The following SLC7A7 variants were observed in gnomAD, a reference collection of about 807,000 sequenced individuals.
SLC7A7 encodes solute carrier family 7 member 7.
A neutral mutation model predicts 47.9 loss-of-function variants in SLC7A7; 39 were observed. That is an observed-to-expected ratio of 0.81 (90% confidence interval 0.63 to 1.06). The LOEUF is 1.06. Among genes scored for constraint, SLC7A7 ranks in the 50% least tolerant of loss-of-function variants. The probability of loss-of-function intolerance (pLI) is 0.00; values close to 1 mark genes in which losing one functional copy is unlikely to be tolerated. For synonymous variants in SLC7A7, 234 were observed against 242.8 expected, an observed-to-expected ratio of 0.96 and a Z score of 0.34; for missense variants, 588 against 632.0, an observed-to-expected ratio of 0.93 and a Z score of 0.75.
chr14:22,780,077 T>A (rs758812021), intron 2 of SLC7A7, 26 bp from the exon 3 acceptor site: 3 of 1,613,320 alleles, frequency 1.9e-6, no homozygotes, highest in African/African-American at 1.3e-5. Flanking sequence ...TACTGATTGG[T>A]GACTTACCCT....
intron 6 of SLC7A7, 69 bp downstream of exon 6, chr14:22,775,764 G>A (rs1234312631): frequency 1.7e-6 from 2 of 1,153,820 alleles, no homozygotes; most frequent in Non-Finnish European, 2.6e-6. Flanking sequence ...TCAAAGGCTG[G>A]GTCCTGTAAG....
chr14:22,807,400 A>G (rs985609270), intron 2 of SLC7A7, among the ~76,000 whole-genome samples: 2 of 151,978 alleles, frequency 1.3e-5, no homozygotes, highest in African/African-American at 4.8e-5. Context: ...ACTAGTCCCC[A>G]TACCCCTGCT....
At chr14:22,803,487 A>C (rs2039151039) in intron 2 of SLC7A7, among the ~76,000 whole-genome samples, 1 of 152,218 alleles carries the variant, frequency 6.6e-6, no homozygotes, top group Admixed American at 6.5e-5. Flanking sequence ...GGTCTCTAGT[A>C]AGGTACTATT....
At chr14:22,780,478 C>A (rs1316276645) in intron 2 of SLC7A7, 1 of 203,480 alleles carries the variant, frequency 4.9e-6, no homozygotes, top group East Asian at 1.2e-4. Context: ...TTACTGTTAA[C>A]CTTGAGGAGT....
upstream of SLC7A7, among the ~76,000 whole-genome samples, chr14:22,816,729 G>C (rs1422671177): frequency 6.6e-6 from 1 of 151,988 alleles, no homozygotes; most frequent in Non-Finnish European, 1.5e-5. Flanking sequence ...TCTCCTATCT[G>C]TTCTAACCCT....
chr14:22,813,382 T>G lies in SLC7A7; in HGVS notation c.17A>C (p.Glu6Ala). Residue 6 changes from glutamate (E) to alanine (A), a missense_variant, in exon 2 of 10, where the codon GAG becomes GCG. Physicochemically the swap from Glu to Ala is moderately radical, Grantham distance 107. Coordinates refer to ENST00000674313, the MANE Select transcript of SLC7A7 (RefSeq NM_003982.4). The stretch of plus-strand genomic sequence containing the variant: ...CTCAGGCTGGGAGGCCACTTCATAC[T>G]CAGTGCTGTCAACCATGGTGGAGGA... MVDSTEYEVASQPEVE... is the reference protein window; with the variant it reads MVDSTAYEVASQPEVE... 6.2e-7 allele frequency: 1 copy of G among 1,612,650 alleles called. No individual in the cohort carries two copies. Among genetic ancestry groups the G allele is most frequent in the Non-Finnish European group, 8.5e-7 (1 of 1,180,020 alleles).
At chr14:22,817,895 G>C (rs1481284599), upstream of SLC7A7, among the ~76,000 whole-genome samples, 1 of 152,116 alleles carries the variant, frequency 6.6e-6, no homozygotes, top group Non-Finnish European at 1.5e-5. Flanking sequence ...TAGACGAAAG[G>C]CTCCAACAAA....
chr14:22,786,659 T>C (rs1390140383), intron 2 of SLC7A7, among the ~76,000 whole-genome samples: 3 of 152,196 alleles, frequency 2.0e-5, no homozygotes, highest in Non-Finnish European at 4.4e-5. Flanking sequence ...TTTAGCTGGG[T>C]GCGATGGCTC....
At chr14:22,786,228 G>T (rs2038814157) in intron 2 of SLC7A7, among the ~76,000 whole-genome samples, 1 of 151,962 alleles carries the variant, frequency 6.6e-6, no homozygotes, top group South Asian at 2.1e-4. Flanking sequence ...TGAGGCAGGG[G>T]AATTGCTTGA....
In SLC7A7 at chr14:22,812,790, T is replaced by TATATATATATATATATATATATATA. The variant is rs2039333654; in HGVS notation, c.499+109_499+110insTATATATATATATATATATATATAT. Reference sequence around the variant, plus strand: ...TACTTTAACTATATATATATATATATATGTTGTCAGAGACATTCCTCTCTA... The same window carrying TATATATATATATATATATATATATA: ...TACTTTAACTATATATATATATATATATATATATATATATATATATATATAATGTTGTCAGAGACATTCCTCTCTA... On this transcript the variant is annotated intron_variant, in intron 2 of 9. Transcript: ENST00000674313. 5 of 772,400 alleles carry TATATATATATATATATATATATATA rather than the reference T, an allele frequency of 6.5e-6. No homozygotes were observed. The East Asian group carries it at 1.4e-4, about 22-fold the overall frequency. The allele number at this position is 772,400 out of a possible 1,614,324, so 47.8% of individuals were successfully genotyped here. A position where few individuals can be genotyped will look rare whatever the true frequency, so the allele number is the denominator to read the frequency against.
intron 2 of SLC7A7, among the ~76,000 whole-genome samples, chr14:22,783,418 T>G (rs10133977): frequency 6.7e-6 from 1 of 149,000 alleles, no homozygotes; most frequent in Non-Finnish European, 1.5e-5. Context: ...TTTTTTTTTT[T>G]TCGAGACAGT....
At chr14:22,798,205 G>A (rs979364474) in intron 2 of SLC7A7, among the ~76,000 whole-genome samples, 25 of 152,140 alleles carry the variant, frequency 1.6e-4, no homozygotes, top group Non-Finnish European at 3.5e-4. Flanking sequence ...GCTGAGGCAG[G>A]AGAATCGCTT....
At chr14:22,778,303 C>T (rs934677536) in intron 4 of SLC7A7, among the ~76,000 whole-genome samples, 4 of 152,084 alleles carry the variant, frequency 2.6e-5, no homozygotes, top group African/African-American at 9.7e-5. Flanking sequence ...TCTCTTTTCA[C>T]TCTATATATA....
upstream of SLC7A7, chr14:22,817,256 A>C: frequency 3.9e-6 from 1 of 256,872 alleles, no homozygotes; most frequent in South Asian, 3.7e-5. Flanking sequence ...AGCAATTCTC[A>C]TGCATCAGCC....
At chr14:22,797,564 A>G (rs1335086217) in intron 2 of SLC7A7, among the ~76,000 whole-genome samples, 2 of 152,174 alleles carry the variant, frequency 1.3e-5, no homozygotes, top group Admixed American at 6.6e-5. Context: ...ACTGAGAGGC[A>G]ACCTATCTAC....
At chr14:22,819,409 TAAA>T (rs35921867), upstream of SLC7A7, among the ~76,000 whole-genome samples, 12 of 140,582 alleles carry the variant, frequency 8.5e-5, no homozygotes, top group African/African-American at 2.3e-4. Context: ...ACAGTCTCTT[TAAA>T]AAAAAAAAAA....
Position 22,778,837 on chromosome 14 carries a change from C to G in SLC7A7, c.726G>C (p.Trp242Cys). Residue 242 changes from tryptophan to cysteine, a missense_variant, in exon 4 of 10, where the codon TGG (tryptophan) becomes TGC (cysteine). Trp to Cys is a radical substitution (Grantham distance 215). Transcript: ENST00000674313. Reference protein sequence around the residue: ...LYSALFSYSGWDTLNYVTEEI... With the variant: ...LYSALFSYSGCDTLNYVTEEI... Reference sequence around the variant, plus strand: ...CTTCAGTGACATAGTTGAGGGTGTCCCAGCCTGAGTAGGAGAACAGAGCTG... The same window carrying G: ...CTTCAGTGACATAGTTGAGGGTGTCGCAGCCTGAGTAGGAGAACAGAGCTG... The G allele has an allele frequency of 6.2e-7, 1 of 1,614,136 alleles. No individual in the cohort carries two copies. The highest frequency in any genetic ancestry group is 8.5e-7 in the Non-Finnish European group (1 of 1,180,044).
chr14:22,815,375 GA>G lies in SLC7A7; in HGVS notation c.-99del. On this transcript the variant is annotated 5_prime_UTR_variant, in exon 1 of 10. Transcript: ENST00000674313. ...CGGCAGTGTGAGCAGCAGTCAGGGA[GA>G]GAAGTGCCTTCCAGGATCTGTGGTC... 2.2e-6 allele frequency: 1 copy of G among 454,572 alleles called. No individual in the cohort carries two copies. The highest frequency in any genetic ancestry group is 2.0e-5 in the African/African-American group (1 of 50,134). The allele number at this position is 454,572 out of a possible 1,614,324, so 28.2% of individuals were successfully genotyped here.
chr14:22,813,853 C>T (rs1420919968), intron 1 of SLC7A7, among the ~76,000 whole-genome samples: 4 of 144,254 alleles, frequency 2.8e-5, no homozygotes, highest in African/African-American at 5.2e-5. Context: ...TGCAATGGCG[C>T]GATCTCAGCT....
Sources: gnomAD v4.1 joint callset for allele counts (sites outside exome capture counted in the v4.1 genomes callset) on GRCh38, gnomAD v4.1.1 for gene constraint, MANE v1.5 for transcripts, NCBI Gene and HGNC (gene_info 2026-07-23, HGNC 2026-07-21) for gene names.